Variants in RNGTT observed in about 807,000 individuals in gnomAD.
The protein encoded by RNGTT is RNA guanylyltransferase and 5'-phosphatase.
In RNGTT, 33 loss-of-function variants were observed where a neutral mutation model predicts 79.3. The ratio of observed to expected loss-of-function variants is 0.42; its 90% CI spans 0.32 to 0.56. RNGTT has a LOEUF of 0.56. Ranked by LOEUF, RNGTT falls within the 20% of genes least tolerant of loss-of-function variation. The probability of loss-of-function intolerance (pLI) is 0.17; values close to 1 mark genes in which losing one functional copy is unlikely to be tolerated. For synonymous variants in RNGTT, 222 were observed against 235.9 expected (o/e 0.94, Z 0.54); for missense variants, 497 against 739.1 (o/e 0.67, Z 3.80).
At chr6:88,704,269 A>AAAAAAG (rs1776051373) in intron 13 of RNGTT, among the ~76,000 whole-genome samples, 1 of 129,310 alleles carries the variant, frequency 7.7e-6, no homozygotes, top group African/African-American at 3.0e-5. Context: ...CAAAAAAAAA[A>AAAAAAG]AAAAAAAAAA....
chr6:88,856,086 G>C (rs1781835794), intron 8 of RNGTT, among the ~76,000 whole-genome samples: 1 of 152,090 alleles, frequency 6.6e-6, no homozygotes, highest in African/African-American at 2.4e-5. Context: ...CTTTCTCTTA[G>C]AACGTCAAGA....
At chr6:88,706,282 T>C (rs897645228) in intron 13 of RNGTT, among the ~76,000 whole-genome samples, 44 of 152,122 alleles carry the variant, frequency 2.9e-4, no homozygotes, top group African/African-American at 1.0e-3. Context: ...TAAAATGAGG[T>C]AAAGCAAGGT....
chr6:88,661,176 G>C (rs190243415), intron 14 of RNGTT, among the ~76,000 whole-genome samples: 3 of 152,156 alleles, frequency 2.0e-5, no homozygotes, highest in Non-Finnish European at 4.4e-5. Flanking sequence ...GCGGTACTAA[G>C]AGGAAAGTTC....
chr6:88,770,479 A>G lies in RNGTT; in HGVS notation c.1339-605T>C, dbSNP rs562217766. Among the ~76,000 whole-genome samples, 11 of 152,328 alleles carry G rather than the reference A, an allele frequency of 7.2e-5. No individual in the cohort carries two copies. In the South Asian group the frequency reaches 2.3e-3, roughly 32 times the overall value. ...CTATCCTGGTGCATATACTAGTAGT[A>G]TGTTCCTTTTCATTGCTGACTAGGA... On this transcript the variant is annotated intron_variant, in intron 12 of 15. Coordinates refer to ENST00000369485, the MANE Select transcript of RNGTT (RefSeq NM_003800.5).
intron 13 of RNGTT, among the ~76,000 whole-genome samples, chr6:88,685,250 A>T (rs192739205): frequency 6.6e-6 from 1 of 152,192 alleles, no homozygotes; most frequent in South Asian, 2.1e-4. Flanking sequence ...CTAAATCCAT[A>T]GCACTATAAA....
intron 8 of RNGTT, among the ~76,000 whole-genome samples, chr6:88,887,046 TTAAA>T (rs1782883904): frequency 8.2e-6 from 1 of 122,060 alleles, no homozygotes; most frequent in African/African-American, 3.5e-5. Flanking sequence ...CACAATTTCT[TTAAA>T]AAAAAAAAAA....
intron 4 of RNGTT, among the ~76,000 whole-genome samples, chr6:88,926,595 A>T (rs895228562): frequency 6.6e-6 from 1 of 152,206 alleles, no homozygotes; most frequent in African/African-American, 2.4e-5. Context: ...ATTTATTAGT[A>T]AAAATTCCTT....
intron 13 of RNGTT, among the ~76,000 whole-genome samples, chr6:88,759,857 T>C (rs1300900508): frequency 6.8e-6 from 1 of 146,198 alleles, no homozygotes; most frequent in Non-Finnish European, 1.5e-5. Context: ...GTTACTTCAT[T>C]TTCCCCCCCA....
chr6:88,738,285 G>A (rs7738927), intron 13 of RNGTT, among the ~76,000 whole-genome samples: 24,516 of 152,104 alleles, frequency 0.16, 2,186 homozygotes, highest in Middle Eastern at 0.26. Context: ...CATTAAAAAC[G>A]CGGAAAGTAT....
At chr6:88,714,278 T>A (rs1374719362) in intron 13 of RNGTT, 1 of 152,180 alleles carries the variant, frequency 6.6e-6, no homozygotes. Flanking sequence ...CTAGTCATTG[T>A]CCACAGGACT....
chr6:88,761,506 C>T (rs1413368214), intron 13 of RNGTT, among the ~76,000 whole-genome samples: 5 of 151,716 alleles, frequency 3.3e-5, no homozygotes, highest in African/African-American at 9.7e-5. Flanking sequence ...AAACAAACAA[C>T]AACAAAAATA....
chr6:88,876,473 C>T (rs1043022329), intron 8 of RNGTT, among the ~76,000 whole-genome samples: 4 of 152,160 alleles, frequency 2.6e-5, no homozygotes, highest in Admixed American at 6.5e-5. Flanking sequence ...CATGAGTGTG[C>T]CACTCCACTC....
chr6:88,817,490 T>TAAAAAA (rs11354100), intron 11 of RNGTT, among the ~76,000 whole-genome samples: 8 of 44,562 alleles, frequency 1.8e-4, no homozygotes, highest in African/African-American at 6.8e-4. Context: ...AAAAAATAAG[T>TAAAAAA]AAAAAAAAAA....
intron 11 of RNGTT, among the ~76,000 whole-genome samples, chr6:88,823,056 G>C (rs7757242): frequency 0.019 from 2,926 of 152,262 alleles, 86 homozygotes; most frequent in African/African-American, 0.067. Flanking sequence ...CAAGACACAA[G>C]AAAGCACTAT....
chr6:88,741,793 G>A (rs1023731102), intron 13 of RNGTT, among the ~76,000 whole-genome samples: 7 of 152,114 alleles, frequency 4.6e-5, no homozygotes, highest in Non-Finnish European at 1.0e-4. Flanking sequence ...GTAGGGGGCA[G>A]ACTTTTCCTT....
intron 14 of RNGTT, among the ~76,000 whole-genome samples, chr6:88,639,494 C>T (rs954639693): frequency 3.9e-5 from 6 of 152,096 alleles, no homozygotes; most frequent in African/African-American, 1.4e-4. Context: ...AGGCAGTTTA[C>T]AAGCACTTGC....
intron 6 of RNGTT, among the ~76,000 whole-genome samples, chr6:88,903,549 G>A (rs761249973): frequency 6.6e-5 from 10 of 152,068 alleles, no homozygotes; most frequent in Non-Finnish European, 1.5e-4. Flanking sequence ...TAATTTCTAT[G>A]TTTCGAAGCA....
intron 13 of RNGTT, among the ~76,000 whole-genome samples, chr6:88,683,067 C>T (rs1430850591): frequency 6.6e-6 from 1 of 151,758 alleles, no homozygotes; most frequent in African/African-American, 2.4e-5. Context: ...GTTAAGTATC[C>T]ACCTCAAGAA....
chr6:88,835,687 T>C lies in RNGTT; in HGVS notation c.1269+8670A>G, dbSNP rs183955579. On this transcript the variant is annotated intron_variant, in intron 11 of 15. Transcript: ENST00000369485. Reference sequence around the variant, plus strand: ...AACAGAGCTTTGTAGTTTAAAATATTGTCTGTCTAGCAGATTTGGTACAAA... The same window carrying C: ...AACAGAGCTTTGTAGTTTAAAATATCGTCTGTCTAGCAGATTTGGTACAAA... Among the ~76,000 whole-genome samples the C allele has an allele frequency of 2.3e-3, 350 of 152,260 alleles. 1 individual carries two copies. The highest frequency in any genetic ancestry group is 8.2e-3 in the African/African-American group (341 of 41,544).
Sources: gnomAD v4.1 joint callset for allele counts (sites outside exome capture counted in the v4.1 genomes callset) on GRCh38, gnomAD v4.1.1 for gene constraint, MANE v1.5 for transcripts, NCBI Gene and HGNC (gene_info 2026-07-23, HGNC 2026-07-21) for gene names.